Variants in IQSEC1 observed in about 807,000 individuals in gnomAD.
The protein encoded by IQSEC1 is IQ motif and SEC7 domain-containing protein 1.
IQSEC1 carries 31 observed loss-of-function variants against 91.0 expected under a neutral mutation model. The ratio of observed to expected loss-of-function variants is 0.34; its 90% CI spans 0.26 to 0.46. The LOEUF (loss-of-function observed/expected upper bound fraction) is 0.46, where lower values mean the gene tolerates loss of function less well. Among genes scored for constraint, IQSEC1 ranks in the 20% least tolerant of loss-of-function variants. The pLI, the probability that IQSEC1 is intolerant of heterozygous loss-of-function variation, is 1.00. For missense variants in IQSEC1, 1,388 were observed against 1,575.6 expected (o/e 0.88, Z 2.02); for synonymous variants, 699 against 662.6 (o/e 1.05, Z -0.84).
chr3:13,181,007 C>T (rs1347403384), intron 1 of IQSEC1, among the ~76,000 whole-genome samples: 2 of 152,190 alleles, frequency 1.3e-5, no homozygotes, highest in African/African-American at 2.4e-5. Context: ...CGCGGTGGCT[C>T]ATGCCTGTAA....
intron 2 of IQSEC1, among the ~76,000 whole-genome samples, chr3:13,110,721 G>A (rs1362591177): frequency 6.6e-6 from 1 of 152,138 alleles, no homozygotes; most frequent in Admixed American, 6.5e-5. Flanking sequence ...GGGGACACAG[G>A]GGCTTTCCAG....
intron 1 of IQSEC1, among the ~76,000 whole-genome samples, chr3:13,171,511 C>T (rs1165704562): frequency 6.6e-6 from 1 of 152,136 alleles, no homozygotes. Context: ...TTCTACACCC[C>T]CAGGCCATTT....
rs927529262 is a variant in IQSEC1 at position 12,986,094 on chromosome 3, C to T, written c.24-44229G>A. 3.3e-5 allele frequency among the ~76,000 whole-genome samples: 5 copies of T among 152,194 alleles called. 1 individual carries two copies. The South Asian group carries it at 1.0e-3, about 32-fold the overall frequency. ...CTGAGGAGGGAGATGCTATTACTGA[C>T]ATCTTCCATGCTACAAACGAGGAAA... On this transcript the variant is annotated intron_variant, in intron 1 of 13. Coordinates refer to ENST00000613206, the MANE Select transcript of IQSEC1 (RefSeq NM_001134382.3).
chr3:13,010,346 G>T (rs1258588478), intron 1 of IQSEC1, among the ~76,000 whole-genome samples: 1 of 152,222 alleles, frequency 6.6e-6, no homozygotes, highest in Non-Finnish European at 1.5e-5. Flanking sequence ...AGGGGTGAAT[G>T]CAGTACCGAG....
intron 1 of IQSEC1, among the ~76,000 whole-genome samples, chr3:13,026,629 A>G (rs1703623082): frequency 6.6e-6 from 1 of 152,198 alleles, no homozygotes; most frequent in Non-Finnish European, 1.5e-5. Context: ...AGGCGTATAA[A>G]CTAGATCATT....
chr3:12,968,020 T>C (rs531927940), intron 1 of IQSEC1, among the ~76,000 whole-genome samples: 1 of 152,350 alleles, frequency 6.6e-6, no homozygotes, highest in Admixed American at 6.5e-5. Context: ...GCGAAGCCTC[T>C]GTTCTGGAAG....
intron 1 of IQSEC1, among the ~76,000 whole-genome samples, chr3:13,023,133 C>G (rs1354364734): frequency 6.6e-6 from 1 of 152,226 alleles, no homozygotes; most frequent in Non-Finnish European, 1.5e-5. Flanking sequence ...TGAACCTTGG[C>G]AGTCTGGCTC....
chr3:13,165,286 G>A (rs1693465088), intron 1 of IQSEC1, among the ~76,000 whole-genome samples: 1 of 152,104 alleles, frequency 6.6e-6, no homozygotes, highest in Non-Finnish European at 1.5e-5. Context: ...AGCAGGTGAA[G>A]TGGTGATGTG....
chr3:13,092,702 C>T (rs754088454), intron 2 of IQSEC1, among the ~76,000 whole-genome samples: 6 of 152,158 alleles, frequency 3.9e-5, no homozygotes, highest in Non-Finnish European at 8.8e-5. Flanking sequence ...AATGGTGTCT[C>T]CTCTATCAAC....
chr3:13,183,174 T>TAAACAAAC (rs60302548), intron 1 of IQSEC1, among the ~76,000 whole-genome samples: 49 of 143,698 alleles, frequency 3.4e-4, no homozygotes, highest in East Asian at 2.4e-3. Context: ...CACCAATAAA[T>TAAACAAAC]AAACAAACAA....
intron 2 of IQSEC1, among the ~76,000 whole-genome samples, chr3:13,143,431 A>G (rs1706833939): frequency 6.6e-6 from 1 of 152,200 alleles, no homozygotes; most frequent in African/African-American, 2.4e-5. Flanking sequence ...GGAGGACAAA[A>G]GTATGCACAT....
rs115046252 is a variant in IQSEC1, at chr3:13,113,806, C to T, written c.302+50298G>A. ...CCATCCCGTCTTGGTGGCTACAACA[C>T]GGAACTGTTCACACGTGTGCCTAGC... is the stretch of plus-strand genomic sequence containing the variant. On this transcript the variant is annotated intron_variant, in intron 2 of 15. Transcript: ENST00000648114. Among the ~76,000 whole-genome samples, 914 of 152,340 alleles carry T rather than the reference C, an allele frequency of 6.0e-3. 10 individuals are homozygous for T. Among genetic ancestry groups the T allele is most frequent in the African/African-American group, 0.02 (820 of 41,578 alleles).
chr3:12,942,844 G>C (rs902823715), intron 1 of IQSEC1, among the ~76,000 whole-genome samples: 13 of 152,186 alleles, frequency 8.5e-5, no homozygotes, highest in African/African-American at 3.1e-4. Context: ...GGCCACGGAC[G>C]CGCACAGAGG....
rs1166601392 is a variant in IQSEC1 at position 13,282,012 on chromosome 3, G to A, written c.272+699C>T. ...CTCATGGGAGGCAAACGGGAACCCG[G>A]CTGGCGGGCTGCGAGCCGGTAGGGA... On this transcript the variant is annotated intron_variant, in intron 1 of 15. Coordinates refer to the IQSEC1 transcript ENST00000648114. The surrounding 1 kb of genome is among the most constrained non-coding windows in gnomAD (Gnocchi z 6.4). Among the ~76,000 whole-genome samples, 1 of 152,200 alleles carries A rather than the reference G, an allele frequency of 6.6e-6. No homozygotes were observed. Among genetic ancestry groups the A allele is most frequent in the African/African-American group, 2.4e-5 (1 of 41,466 alleles).
chr3:12,908,713 G>T lies in IQSEC1; in HGVS notation c.2579-188C>A, dbSNP rs945655651. On this transcript the variant is annotated intron_variant, in intron 11 of 13. Transcript: ENST00000613206. The surrounding 1 kb of genome is among the most constrained non-coding windows in gnomAD (Gnocchi z 4.9). ...AGAGCAGAAAGGAGATCCCAGGAGG[G>T]AGGCTAGAGAGACCAGAGGGCCTTG... Among the ~76,000 whole-genome samples the T allele has an allele frequency of 1.7e-4, 26 of 152,154 alleles. No homozygotes were observed. Among genetic ancestry groups the T allele is most frequent in the African/African-American group, 5.3e-4 (22 of 41,520 alleles).
intron 2 of IQSEC1, among the ~76,000 whole-genome samples, chr3:12,937,215 G>A (rs1234118624): frequency 1.1e-4 from 16 of 152,194 alleles, no homozygotes. Context: ...TTACAGGCGT[G>A]AGCCACCATG....
intron 2 of IQSEC1, among the ~76,000 whole-genome samples, chr3:13,110,296 G>A (rs191874986): frequency 5.9e-5 from 9 of 152,070 alleles, no homozygotes; most frequent in Non-Finnish European, 5.9e-5. Flanking sequence ...ACATTTTGTA[G>A]TTAAAGAAAC....
intron 2 of IQSEC1, among the ~76,000 whole-genome samples, chr3:13,112,060 G>C (rs1414393894): frequency 2.0e-5 from 3 of 152,134 alleles, no homozygotes; most frequent in African/African-American, 7.2e-5. Context: ...TGCACACGCT[G>C]TTCCCCTGGT....
chr3:13,022,105 G>C, intron 1 of IQSEC1: 2 of 1,231,846 alleles, frequency 1.6e-6, no homozygotes, highest in Non-Finnish European at 2.0e-6. Flanking sequence ...CTTCATGCCT[G>C]GCTCGGTGGA....
Sources: allele counts gnomAD v4.1 joint callset (sites outside exome capture counted in the v4.1 genomes callset), GRCh38; gene constraint gnomAD v4.1.1; non-coding constraint Gnocchi (gnomAD v3.1); transcripts MANE v1.5; gene names NCBI Gene and HGNC (gene_info 2026-07-23, HGNC 2026-07-21).